PRUNE2: variants seen among roughly 807,000 people sequenced by gnomAD.
The protein encoded by PRUNE2 is prune homolog 2 with BCH domain, also known as protein prune homolog 2.
A neutral mutation model predicts 252.0 loss-of-function variants in PRUNE2; 164 were observed. The ratio of observed to expected loss-of-function variants is 0.65; its 90% confidence interval spans 0.57 to 0.74. The LOEUF (loss-of-function observed/expected upper bound fraction) is 0.74, where lower values mean the gene tolerates loss of function less well. PRUNE2 is among the 30% of genes least tolerant of loss of function. The pLI, the probability that PRUNE2 is intolerant of heterozygous loss-of-function variation, is 0.00. For missense variants in PRUNE2, 3,495 were observed against 3,711.0 expected, an observed-to-expected ratio of 0.94 and a Z score of 1.51; for synonymous variants, 1,292 against 1,350.2, an observed-to-expected ratio of 0.96 and a Z score of 0.94.
chr9:76,802,350 G>T (rs564576148), intron 6 of PRUNE2, among the ~76,000 whole-genome samples: 2 of 152,240 alleles, frequency 1.3e-5, no homozygotes, highest in East Asian at 3.9e-4. Flanking sequence ...GAAATGAATG[G>T]TTATTTATTT....
At position 76,670,522 on chromosome 9, in the gene PRUNE2, A is replaced by T. The variant is rs1004944824; in HGVS notation, c.8277-15020T>A. On this transcript the variant is annotated intron_variant, in intron 9 of 18. Transcript: ENST00000376718. ...GCTTGATTAGGTAAACAAAGCAGCC[A>T]GGAAGCTCGAACTGGGTGGAGCCCA... 1.6e-3 allele frequency among the ~76,000 whole-genome samples: 236 copies of T among 151,722 alleles called. 3 individuals are homozygous for T. Among genetic ancestry groups the T allele is most frequent in the Non-Finnish European group, 6.6e-4 (45 of 67,752 alleles).
intron 1 of PRUNE2, among the ~76,000 whole-genome samples, chr9:76,861,689 G>A (rs112881770): frequency 2.4e-3 from 367 of 152,050 alleles, no homozygotes; most frequent in African/African-American, 8.2e-3. Context: ...TTCTCAAATC[G>A]AGTGACCTCA....
At chr9:76,817,689 G>C (rs1197474885) in intron 6 of PRUNE2, 1 of 152,216 alleles carries the variant, frequency 6.6e-6, no homozygotes, top group Non-Finnish European at 1.5e-5. Context: ...ATTGCTACAT[G>C]AGTGAAAAAT....
chr9:76,704,856 GCTCCT>G lies in PRUNE2; in HGVS notation c.7413_7417del (p.Gly2472ArgfsTer11). 1 of 1,601,200 alleles carries G rather than the reference GCTCCT, an allele frequency of 6.2e-7. No individual in the cohort carries two copies. The highest frequency in any genetic ancestry group is 8.5e-7 in the Non-Finnish European group (1 of 1,172,988). On this transcript the variant is annotated frameshift_variant, in exon 8 of 19. Transcript: ENST00000376718. LOFTEE classifies it high-confidence loss of function. ...TGATGGAGACAAAATGTTGGAGCCT[GCTCCT>G]ACCGGCAAATAAACGGACTCAGGGT...
chr9:76,660,228 G>C (rs1236776026), intron 9 of PRUNE2, among the ~76,000 whole-genome samples: 1 of 152,134 alleles, frequency 6.6e-6, no homozygotes, highest in Non-Finnish European at 1.5e-5. Context: ...ATGGAAGAAA[G>C]GCCTAGACCT....
intron 1 of PRUNE2, among the ~76,000 whole-genome samples, chr9:76,896,480 A>G (rs532000523): frequency 2.0e-5 from 3 of 152,300 alleles, no homozygotes; most frequent in East Asian, 3.9e-4. Context: ...CGTGGACATA[A>G]GAACTGTTGC....
At chr9:76,795,500 C>T (rs2056006190) in intron 6 of PRUNE2, among the ~76,000 whole-genome samples, 1 of 152,158 alleles carries the variant, frequency 6.6e-6, no homozygotes, top group East Asian at 1.9e-4. Context: ...CACAATTCAA[C>T]TTGTCTTGGT....
chr9:76,754,705 G>A (rs1008543875), intron 6 of PRUNE2, among the ~76,000 whole-genome samples: 2 of 152,022 alleles, frequency 1.3e-5, no homozygotes, highest in African/African-American at 2.4e-5. Flanking sequence ...GGTGGCTCAC[G>A]TCTGTAAACC....
Position 76,705,899 on chromosome 9 carries a change from C to A in PRUNE2, c.6375G>T (p.Met2125Ile), listed in dbSNP as rs2046277548. The stretch of plus-strand genomic sequence containing the variant: ...GCTCACTGGATTCCACTTCAGGTCC[C>A]ATGCAAGCACTGAGGTGCTTCTCAG... The part of the protein sequence containing the change: ...QETEKHLSAC[M>I]GPEVESSELC... The change falls in exon 8 of 19, where the codon ATG becomes ATT. Residue 2125 changes from methionine to isoleucine, a missense_variant. Coordinates refer to ENST00000376718, the MANE Select transcript of PRUNE2 (RefSeq NM_015225.3). 1 of 1,613,798 alleles carries A rather than the reference C, an allele frequency of 6.2e-7. No individual in the cohort carries two copies. The highest frequency in any genetic ancestry group is 1.7e-5 in the Admixed American group (1 of 60,002).
In PRUNE2 at chr9:76,734,900, A is replaced by C. The variant is rs150459112; in HGVS notation, c.757-21179T>G. Among the ~76,000 whole-genome samples, 808 of 152,318 alleles carry C rather than the reference A, an allele frequency of 5.3e-3. 5 individuals carry two copies. The highest frequency in any genetic ancestry group is 0.019 in the African/African-American group (776 of 41,582). On this transcript the variant is annotated intron_variant, in intron 6 of 18. Coordinates refer to ENST00000376718, the MANE Select transcript of PRUNE2 (RefSeq NM_015225.3). ...CTGAGACACGGAGATCTAGGATCAC[A>C]TGAGTCTAGAGCTGCCCAGAGCCAT...
At chr9:76,666,404 C>T (rs202206801) in intron 9 of PRUNE2, among the ~76,000 whole-genome samples, 5 of 152,220 alleles carry the variant, frequency 3.3e-5, no homozygotes, top group Non-Finnish European at 5.9e-5. Flanking sequence ...TCATTGGCCA[C>T]GCTCCTAGTC....
At chr9:76,650,840 A>C (rs2133217647) in intron 11 of PRUNE2, among the ~76,000 whole-genome samples, 1 of 152,324 alleles carries the variant, frequency 6.6e-6, no homozygotes, top group East Asian at 1.9e-4. Context: ...TACTATGTTT[A>C]AAAATAAAAG....
intron 9 of PRUNE2, among the ~76,000 whole-genome samples, chr9:76,662,872 T>G (rs1588309074): frequency 6.6e-6 from 1 of 152,214 alleles, no homozygotes; most frequent in Non-Finnish European, 1.5e-5. Context: ...CTGGCTTCTT[T>G]CTAGTCTATT....
At chr9:76,741,589 T>C (rs939568984) in intron 6 of PRUNE2, among the ~76,000 whole-genome samples, 9 of 152,128 alleles carry the variant, frequency 5.9e-5, no homozygotes, top group Admixed American at 1.3e-4. Flanking sequence ...CCAGGACATA[T>C]GGCCCTCCTG....
chr9:76,709,468 G>A lies in PRUNE2; in HGVS notation c.2806C>T (p.Pro936Ser). Residue 936 changes from proline (P) to serine (S), a missense_variant, in exon 8 of 19, where the codon CCT becomes TCT. Physicochemically the swap from Pro to Ser is moderately conservative, Grantham distance 74. Coordinates refer to ENST00000376718, the MANE Select transcript of PRUNE2 (RefSeq NM_015225.3). Reference protein sequence around the residue: ...MKKGGSDVLVPWEDSFLSYKC... With the variant: ...MKKGGSDVLVSWEDSFLSYKC... Reference sequence around the variant, plus strand: ...TAAGATAAGAAGGAATCTTCCCAAGGAACTAGGACATCTGACCCTCCTTTC... The same window carrying A: ...TAAGATAAGAAGGAATCTTCCCAAGAAACTAGGACATCTGACCCTCCTTTC... 2 of 1,613,982 alleles carry A rather than the reference G, an allele frequency of 1.2e-6. No homozygotes were observed. The highest frequency in any genetic ancestry group is 1.7e-6 in the Non-Finnish European group (2 of 1,179,868).
chr9:76,665,658 A>G (rs1428680878), intron 9 of PRUNE2, among the ~76,000 whole-genome samples: 1 of 152,202 alleles, frequency 6.6e-6, no homozygotes, highest in Non-Finnish European at 1.5e-5. Flanking sequence ...AACAACACAG[A>G]TTTAGACACG....
chr9:76,702,855 C>T (rs1049027489), intron 9 of PRUNE2, among the ~76,000 whole-genome samples: 13 of 152,186 alleles, frequency 8.5e-5, no homozygotes, highest in African/African-American at 1.7e-4. Flanking sequence ...AGCTTCGAAT[C>T]CCAGGTGTTC....
chr9:76,833,449 T>A (rs11145091), intron 4 of PRUNE2, among the ~76,000 whole-genome samples: 19,094 of 152,210 alleles, frequency 0.13, 1,351 homozygotes, highest in East Asian at 0.2. Context: ...ACAACTTCCT[T>A]ATTTGATGAA....
chr9:76,681,894 T>C (rs1454465035), intron 9 of PRUNE2, among the ~76,000 whole-genome samples: 1 of 152,234 alleles, frequency 6.6e-6, no homozygotes, highest in Admixed American at 6.5e-5. Flanking sequence ...AGTCAGGGTG[T>C]ATCTTTTTAA....
Sources: gnomAD v4.1 joint callset for allele counts (sites outside exome capture counted in the v4.1 genomes callset) on GRCh38, gnomAD v4.1.1 for gene constraint, MANE v1.5 for transcripts, NCBI Gene and HGNC (gene_info 2026-07-23, HGNC 2026-07-21) for gene names.